The following CTNNBIP1 variants were observed in gnomAD, a reference collection of about 807,000 sequenced individuals.
CTNNBIP1 encodes the protein catenin beta interacting protein 1.
In CTNNBIP1, 7 loss-of-function variants were observed where a neutral mutation model predicts 11.8. The observed-to-expected ratio is 0.60, with a 90% CI of 0.34 to 1.12. CTNNBIP1 has a LOEUF of 1.12. CTNNBIP1 is among the 50% of genes most tolerant of loss of function. The pLI, the probability that CTNNBIP1 is intolerant of heterozygous loss-of-function variation, is 0.03. For missense variants in CTNNBIP1, 101 were observed against 113.4 expected (o/e 0.89, Z 0.50); for synonymous variants, 58 against 43.9 (o/e 1.32, Z -1.26).
intron 5 of CTNNBIP1, among the ~76,000 whole-genome samples, chr1:9,868,994 C>T (rs995665070): frequency 1.3e-5 from 2 of 152,072 alleles, no homozygotes; most frequent in Non-Finnish European, 2.9e-5. Flanking sequence ...GCTTCTTTGT[C>T]TTTTAAAAAT....
chr1:9,850,667 A>C lies in CTNNBIP1; in HGVS notation c.*51T>G. ...GCCACTCAGCCGGCCCAGGAGCCAC[A>C]CAGATCTCTTGGCCCTCAACAGCAT... On this transcript the variant is annotated 3_prime_UTR_variant, in exon 6 of 6. Transcript: ENST00000377263. 6.4e-7 allele frequency: 1 copy of C among 1,568,820 alleles called. No individual in the cohort carries two copies. Among genetic ancestry groups the C allele is most frequent in the Non-Finnish European group, 8.8e-7 (1 of 1,138,992 alleles).
chr1:9,892,755 G>A (rs142408067), intron 1 of CTNNBIP1, among the ~76,000 whole-genome samples: 30 of 152,218 alleles, frequency 2.0e-4, no homozygotes, highest in African/African-American at 7.2e-4. Context: ...CACGCATCAC[G>A]TGAGCCACAC....
intron 5 of CTNNBIP1, among the ~76,000 whole-genome samples, chr1:9,870,554 A>C (rs1570572491): frequency 6.6e-6 from 1 of 152,346 alleles, no homozygotes; most frequent in East Asian, 1.9e-4. Context: ...TGTTAAGTGG[A>C]AGTATTAATA....
intron 1 of CTNNBIP1, among the ~76,000 whole-genome samples, chr1:9,890,061 A>C (rs1639270621): frequency 6.6e-6 from 1 of 152,210 alleles, no homozygotes; most frequent in Non-Finnish European, 1.5e-5. Context: ...ATGTTCCTAT[A>C]ACTGGATTGG....
chr1:9,882,768 T>C (rs1235166956), intron 2 of CTNNBIP1, among the ~76,000 whole-genome samples: 1 of 151,894 alleles, frequency 6.6e-6, no homozygotes, highest in African/African-American at 2.4e-5. Flanking sequence ...CTGGCACATG[T>C]CCAGGGTGAG....
chr1:9,864,363 C>G (rs1387242099), intron 5 of CTNNBIP1, among the ~76,000 whole-genome samples: 3 of 152,240 alleles, frequency 2.0e-5, no homozygotes, highest in Non-Finnish European at 4.4e-5. Flanking sequence ...GAGTCTCGCT[C>G]TGTCGCCCAG....
chr1:9,853,234 G>A (rs529832429), intron 5 of CTNNBIP1, among the ~76,000 whole-genome samples: 1 of 152,172 alleles, frequency 6.6e-6, no homozygotes, highest in Non-Finnish European at 1.5e-5. Context: ...TTACCACAAG[G>A]ATCTGCTTTC....
At chr1:9,861,900 A>G (rs1638636293) in intron 5 of CTNNBIP1, among the ~76,000 whole-genome samples, 2 of 152,130 alleles carry the variant, frequency 1.3e-5, no homozygotes, top group South Asian at 4.1e-4. Context: ...TCTATCCCCA[A>G]TCTAACTAGC....
At chr1:9,892,589 TC>T (rs112591642) in intron 1 of CTNNBIP1, among the ~76,000 whole-genome samples, 5 of 147,248 alleles carry the variant, frequency 3.4e-5, no homozygotes, top group African/African-American at 1.3e-4. Flanking sequence ...CGAGACTGTC[TC>T]AAAAAAAAAA....
At chr1:9,879,153 C>T (rs542517556) in intron 2 of CTNNBIP1, among the ~76,000 whole-genome samples, 121 of 151,968 alleles carry the variant, frequency 8.0e-4, no homozygotes, top group Non-Finnish European at 1.5e-3. Context: ...GCTGACATCG[C>T]GCCACTACAC....
At chr1:9,887,714 A>AG in intron 1 of CTNNBIP1, among the ~76,000 whole-genome samples, 1 of 152,276 alleles carries the variant, frequency 6.6e-6, no homozygotes, top group East Asian at 1.9e-4. Context: ...GAAAAAAAAA[A>AG]GAAAAAGAAA....
At chr1:9,854,819 G>C (rs1570556516) in intron 5 of CTNNBIP1, among the ~76,000 whole-genome samples, 1 of 152,084 alleles carries the variant, frequency 6.6e-6, no homozygotes, top group Non-Finnish European at 1.5e-5. Context: ...TGGGACTATA[G>C]GTGTGTGCCA....
intron 1 of CTNNBIP1, among the ~76,000 whole-genome samples, chr1:9,891,365 T>C (rs1639295922): frequency 6.6e-6 from 1 of 152,056 alleles, no homozygotes; most frequent in South Asian, 2.1e-4. Flanking sequence ...CTTGCCCCAT[T>C]CCCTCCATAG....
At chr1:9,899,715 T>A (rs1639483850) in intron 1 of CTNNBIP1, among the ~76,000 whole-genome samples, 1 of 149,010 alleles carries the variant, frequency 6.7e-6, no homozygotes, top group African/African-American at 2.5e-5. Flanking sequence ...GCTGAGATCA[T>A]GCCACTGCAC....
intron 5 of CTNNBIP1, among the ~76,000 whole-genome samples, chr1:9,853,172 A>T (rs1318245401): frequency 6.6e-6 from 1 of 152,200 alleles, no homozygotes; most frequent in Admixed American, 6.5e-5. Flanking sequence ...AGGCCTGAGG[A>T]GCTGCGGCCT....
chr1:9,880,824 G>A (rs1639066291), intron 2 of CTNNBIP1, among the ~76,000 whole-genome samples: 1 of 152,144 alleles, frequency 6.6e-6, no homozygotes, highest in Non-Finnish European at 1.5e-5. Context: ...TCACTGATTG[G>A]TTGTGCACCG....
At chr1:9,909,477 C>T (rs892867291) in intron 1 of CTNNBIP1, among the ~76,000 whole-genome samples, 2 of 152,080 alleles carry the variant, frequency 1.3e-5, no homozygotes, top group Non-Finnish European at 2.9e-5. Flanking sequence ...ACCTGAGTGT[C>T]TCGGTTACCA....
At chr1:9,863,512 G>C (rs567943478) in intron 5 of CTNNBIP1, among the ~76,000 whole-genome samples, 1 of 152,328 alleles carries the variant, frequency 6.6e-6, no homozygotes, top group South Asian at 2.1e-4. Flanking sequence ...CCAGTGCAAA[G>C]GAGGGGCCCA....
At chr1:9,876,669 C>T (rs1035545959) in intron 3 of CTNNBIP1, among the ~76,000 whole-genome samples, 1 of 152,086 alleles carries the variant, frequency 6.6e-6, no homozygotes, top group Non-Finnish European at 1.5e-5. Flanking sequence ...TATTAACTAT[C>T]CAAATGAATG....
Sources: gnomAD v4.1 joint callset for allele counts (sites outside exome capture counted in the v4.1 genomes callset) on GRCh38, gnomAD v4.1.1 for gene constraint, MANE v1.5 for transcripts, NCBI Gene and HGNC (gene_info 2026-07-23, HGNC 2026-07-21) for gene names.